BABAM2: variants seen among roughly 807,000 people sequenced by gnomAD.
BABAM2 encodes the protein BRISC and BRCA1 A complex member 2.
A neutral mutation model predicts 54.7 loss-of-function variants in BABAM2; 31 were observed. The ratio of observed to expected loss-of-function variants is 0.57; its 90% confidence interval spans 0.43 to 0.77. The LOEUF (loss-of-function observed/expected upper bound fraction) is 0.77. Among genes scored for constraint, BABAM2 ranks in the 30% least tolerant of loss-of-function variants. The probability of loss-of-function intolerance (pLI) is 0.00; values close to 1 mark genes in which losing one functional copy is unlikely to be tolerated. For synonymous variants in BABAM2, 167 were observed against 162.9 expected (o/e 1.03, Z -0.19); for missense variants, 364 against 455.8 (o/e 0.80, Z 1.83).
rs1373996770 is a variant in BABAM2, at chr2:28,307,537, A to G, written c.1088+9046A>G. Among the ~76,000 whole-genome samples, 3 of 152,016 alleles carry G rather than the reference A, an allele frequency of 2.0e-5. No homozygotes were observed. The East Asian group carries it at 5.8e-4, about 29-fold the overall frequency. ...TGTATATTTTAGTCATTTATACACTAAAAATACACCGTTAACTTATCACAG... is the reference window on the plus strand; with the variant it reads ...TGTATATTTTAGTCATTTATACACTGAAAATACACCGTTAACTTATCACAG... On this transcript the variant is annotated intron_variant, in intron 11 of 11. Transcript: ENST00000379624.
Position 27,988,354 on chromosome 2 carries a change from G to C in BABAM2, c.300+267G>C, listed in dbSNP as rs901484818. Among the ~76,000 whole-genome samples the C allele has an allele frequency of 2.7e-4, 41 of 152,132 alleles. 1 individual carries two copies. Among genetic ancestry groups the C allele is most frequent in the Admixed American group, 2.6e-3 (39 of 15,268 alleles). On this transcript the variant is annotated intron_variant, in intron 4 of 11. Coordinates refer to ENST00000379624, the MANE Select transcript of BABAM2 (RefSeq NM_199191.3). ...TGAAATATTTTTACTTCAGTTTAAAGAGACATGTTGAAAATATTTTCTTTG... is the reference window on the plus strand; with the variant it reads ...TGAAATATTTTTACTTCAGTTTAAACAGACATGTTGAAAATATTTTCTTTG...
intron 10 of BABAM2, among the ~76,000 whole-genome samples, chr2:28,260,303 T>C (rs1443020512): frequency 1.2e-4 from 17 of 145,630 alleles, no homozygotes; most frequent in African/African-American, 2.0e-4. Context: ...TCTTTTCTTT[T>C]TTTTTTTTTT....
At chr2:28,158,934 G>A (rs1312090061) in intron 7 of BABAM2, among the ~76,000 whole-genome samples, 1 of 151,992 alleles carries the variant, frequency 6.6e-6, no homozygotes, top group Admixed American at 6.5e-5. Flanking sequence ...GCTGTCTGGC[G>A]GCCTTGATTC....
intron 7 of BABAM2, among the ~76,000 whole-genome samples, chr2:28,173,068 C>G (rs1489670154): frequency 6.6e-6 from 1 of 152,126 alleles, no homozygotes; most frequent in Non-Finnish European, 1.5e-5. Context: ...CCCATTGAAC[C>G]AGGGCCCTAC....
intron 7 of BABAM2, among the ~76,000 whole-genome samples, chr2:28,176,593 A>AAAAAAAAAAAC (rs1558408058): frequency 6.8e-6 from 1 of 146,100 alleles, no homozygotes; most frequent in Non-Finnish European, 1.5e-5. Flanking sequence ...AAAAAAAAAA[A>AAAAAAAAAAAC]AAACCTCACT....
chr2:28,014,428 C>G (rs1271308547), intron 4 of BABAM2, among the ~76,000 whole-genome samples: 1 of 152,224 alleles, frequency 6.6e-6, no homozygotes, highest in East Asian at 1.9e-4. Context: ...CCATGTTTTA[C>G]CGGCATACAT....
chr2:28,236,901 A>G (rs1038691), intron 7 of BABAM2, among the ~76,000 whole-genome samples: 146,914 of 152,298 alleles, frequency 0.96, 71,082 homozygotes, highest in Middle Eastern at 1. Flanking sequence ...GAGTATAAAA[A>G]TATGTTTCAG....
chr2:28,243,377 C>T lies in BABAM2; in HGVS notation c.852-1403C>T, dbSNP rs1308317024. On this transcript the variant is annotated intron_variant, in intron 9 of 11. Transcript: ENST00000379624. The stretch of plus-strand genomic sequence containing the variant: ...TGAAACCCCGTCTCTACTAAAAATA[C>T]AAAAATTAGCTGGGCGTGGTGGCGG... Among the ~76,000 whole-genome samples the T allele has an allele frequency of 6.6e-5, 10 of 152,074 alleles. No homozygotes were observed. In the East Asian group the frequency reaches 1.9e-3, roughly 29 times the overall value.
chr2:28,233,122 A>ATCACCCTT (rs1369937193), intron 7 of BABAM2: 1 of 455,806 alleles, frequency 2.2e-6, no homozygotes, highest in African/African-American at 2.0e-5. Flanking sequence ...GAACAGCCCT[A>ATCACCCTT]TCACCCTTTT....
intron 4 of BABAM2, among the ~76,000 whole-genome samples, chr2:28,001,673 G>C (rs1409394522): frequency 6.6e-6 from 1 of 152,152 alleles, no homozygotes; most frequent in Non-Finnish European, 1.5e-5. Context: ...CTTCTGGAAA[G>C]AGCCTCAGGG....
chr2:28,301,371 C>T (rs138684813), intron 11 of BABAM2, among the ~76,000 whole-genome samples: 1 of 152,322 alleles, frequency 6.6e-6, no homozygotes, highest in East Asian at 1.9e-4. Context: ...TTCTGTCCCT[C>T]GCAAGTGAAG....
intron 4 of BABAM2, among the ~76,000 whole-genome samples, chr2:28,001,240 T>C (rs1476162728): frequency 6.6e-6 from 1 of 152,250 alleles, no homozygotes; most frequent in East Asian, 1.9e-4. Context: ...CCAGGAAGGA[T>C]TATTTTAAGA....
At chr2:27,913,698 C>G (rs1296359003) in intron 2 of BABAM2, among the ~76,000 whole-genome samples, 3 of 152,078 alleles carry the variant, frequency 2.0e-5, no homozygotes, top group Non-Finnish European at 4.4e-5. Context: ...CAAAGAATGG[C>G]TTTTGGGCAA....
At chr2:28,311,135 C>G (rs2148281130) in intron 11 of BABAM2, among the ~76,000 whole-genome samples, 1 of 150,876 alleles carries the variant, frequency 6.6e-6, no homozygotes, top group South Asian at 2.1e-4. Flanking sequence ...GTGGTGGGCA[C>G]CTGTAGTCCC....
At chr2:28,195,901 T>C (rs1677480307) in intron 7 of BABAM2, among the ~76,000 whole-genome samples, 1 of 152,224 alleles carries the variant, frequency 6.6e-6, no homozygotes, top group Non-Finnish European at 1.5e-5. Context: ...ACCCATGCAA[T>C]ATCTCAAGGA....
chr2:28,265,063 G>A (rs1019328124), intron 10 of BABAM2, among the ~76,000 whole-genome samples: 1 of 152,194 alleles, frequency 6.6e-6, no homozygotes, highest in Non-Finnish European at 1.5e-5. Context: ...GGGAAGGAGT[G>A]GGAGTAAGGA....
intron 7 of BABAM2, among the ~76,000 whole-genome samples, chr2:28,226,773 G>A (rs535961392): frequency 2.0e-5 from 3 of 152,232 alleles, no homozygotes; most frequent in East Asian, 1.9e-4. Context: ...CCAGTGCCCT[G>A]AGGTGAAATT....
intron 4 of BABAM2, among the ~76,000 whole-genome samples, chr2:28,024,279 G>A (rs564730771): frequency 2.0e-5 from 3 of 152,112 alleles, no homozygotes; most frequent in South Asian, 2.1e-4. Context: ...GGTGGCGGGC[G>A]CCTGTAGTCC....
chr2:28,205,239 C>T (rs897200876), intron 7 of BABAM2, among the ~76,000 whole-genome samples: 1 of 152,086 alleles, frequency 6.6e-6, no homozygotes, highest in Admixed American at 6.6e-5. Flanking sequence ...GGGTGGCTCA[C>T]GCCTGTAATC....
Sources: allele counts gnomAD v4.1 joint callset (sites outside exome capture counted in the v4.1 genomes callset), GRCh38; gene constraint gnomAD v4.1.1; transcripts MANE v1.5; gene names NCBI Gene and HGNC (gene_info 2026-07-23, HGNC 2026-07-21).